The following PARP11 variants were observed in gnomAD, a reference collection of about 807,000 sequenced individuals.
The protein encoded by PARP11 is poly(ADP-ribose) polymerase family member 11.
PARP11 carries 31 observed loss-of-function variants against 42.9 expected under a neutral mutation model. The observed-to-expected ratio is 0.72, with a 90% CI of 0.54 to 0.98. The LOEUF (loss-of-function observed/expected upper bound fraction) is 0.98. Ranked by LOEUF, PARP11 falls within the 50% of genes least tolerant of loss-of-function variation. The pLI, the probability that PARP11 is intolerant of heterozygous loss-of-function variation, is 0.00. For synonymous variants in PARP11, 137 were observed against 127.3 expected, an observed-to-expected ratio of 1.08 and a Z score of -0.51; for missense variants, 365 against 413.1, an observed-to-expected ratio of 0.88 and a Z score of 1.01.
chr12:3,859,845 T>C (rs1472820981), intron 1 of PARP11, among the ~76,000 whole-genome samples: 1 of 152,170 alleles, frequency 6.6e-6, no homozygotes, highest in African/African-American at 2.4e-5. Flanking sequence ...AAAGTGTTAC[T>C]ATAAAAAGTA....
chr12:3,828,359 C>T (rs1947570006), intron 3 of PARP11, among the ~76,000 whole-genome samples: 1 of 151,808 alleles, frequency 6.6e-6, no homozygotes, highest in Non-Finnish European at 1.5e-5. Context: ...CCAGCCTTGT[C>T]AACATGATGA....
chr12:3,823,809 G>A (rs561772613), intron 4 of PARP11, among the ~76,000 whole-genome samples: 67 of 151,838 alleles, frequency 4.4e-4, no homozygotes, highest in African/African-American at 1.5e-3. Flanking sequence ...TCAGCTACTC[G>A]GGAGGCTGAG....
At chr12:3,842,471 G>A in intron 1 of PARP11, 4 of 1,607,294 alleles carry the variant, frequency 2.5e-6, no homozygotes, top group Non-Finnish European at 3.4e-6. Context: ...AGGGGAGATA[G>A]GAGGAGATCA....
intron 1 of PARP11, among the ~76,000 whole-genome samples, chr12:3,833,116 A>G (rs78406234): frequency 0.018 from 2,796 of 152,358 alleles, 125 homozygotes; most frequent in East Asian, 0.14. Context: ...ATTTTAGTTT[A>G]CTACAACAAA....
intron 1 of PARP11, chr12:3,842,242 G>A: frequency 1.2e-6 from 2 of 1,605,236 alleles, no homozygotes; most frequent in African/African-American, 1.3e-5. Context: ...AAAGAAGAGA[G>A]TTCAGAAAAT....
chr12:3,820,725 G>A (rs1460614532), intron 6 of PARP11, among the ~76,000 whole-genome samples: 1 of 152,148 alleles, frequency 6.6e-6, no homozygotes, highest in Non-Finnish European at 1.5e-5. Context: ...AGAGGCTTCT[G>A]TCTTCCTCTA....
intron 1 of PARP11, among the ~76,000 whole-genome samples, chr12:3,853,886 T>C (rs1948144752): frequency 1.3e-5 from 2 of 152,228 alleles, no homozygotes; most frequent in Non-Finnish European, 2.9e-5. Flanking sequence ...TAGTTGGAAA[T>C]AAAGCATTCC....
chr12:3,850,295 T>C (rs187176246), intron 1 of PARP11, among the ~76,000 whole-genome samples: 2 of 152,286 alleles, frequency 1.3e-5, no homozygotes, highest in African/African-American at 4.8e-5. Flanking sequence ...ATATATAGCA[T>C]AATTATATCA....
chr12:3,862,699 A>C (rs528134684), intron 1 of PARP11, among the ~76,000 whole-genome samples: 1 of 151,938 alleles, frequency 6.6e-6, no homozygotes, highest in Non-Finnish European at 1.5e-5. Context: ...AGTTAAAACA[A>C]CTGTCCTTTT....
chr12:3,854,503 A>G (rs372516551), intron 1 of PARP11, among the ~76,000 whole-genome samples: 42 of 152,356 alleles, frequency 2.8e-4, no homozygotes, highest in Non-Finnish European at 5.0e-4. Context: ...GAATACTATG[A>G]ACACCTCTAC....
intron 1 of PARP11, among the ~76,000 whole-genome samples, chr12:3,856,363 C>A (rs1167814212): frequency 6.6e-6 from 1 of 152,208 alleles, no homozygotes; most frequent in Non-Finnish European, 1.5e-5. Context: ...TTTTTGCAAT[C>A]TACCCATCTG....
intron 1 of PARP11, chr12:3,841,047 A>G: frequency 6.3e-7 from 1 of 1,587,884 alleles, no homozygotes; most frequent in Non-Finnish European, 8.6e-7. Context: ...TGACCCCTGG[A>G]CCTGATTCTG....
rs1947149733 is a variant in PARP11, at chr12:3,810,614, AAAAGGGAGGAGGGAGGGAGGGAGGGAGG to A, written c.*1481_*1508del. The A allele has an allele frequency of 7.0e-6, 1 of 142,110 alleles. No homozygotes were observed. Among genetic ancestry groups the A allele is most frequent in the Non-Finnish European group, 1.5e-5 (1 of 65,380 alleles). 8.8% of individuals were successfully genotyped at this position (142,110 alleles called of 1,614,324 possible). On this transcript the variant is annotated 3_prime_UTR_variant, in exon 8 of 8. Coordinates refer to ENST00000228820, the MANE Select transcript of PARP11 (RefSeq NM_020367.6). ...AACCAAAAAAAAAGAAAGAAAAAGA[AAAAGGGAGGAGGGAGGGAGGGAGGGAGG>A]GAAAGAAGGAAGGAAGGAAGGAAGG...
At chr12:3,822,763 A>T (rs1208400320) in intron 4 of PARP11, among the ~76,000 whole-genome samples, 2 of 152,282 alleles carry the variant, frequency 1.3e-5, no homozygotes, top group South Asian at 2.1e-4. Flanking sequence ...ATTTCTTTAA[A>T]ATGTAAAGAA....
At chr12:3,869,091 C>T (rs1291163804) in intron 1 of PARP11, among the ~76,000 whole-genome samples, 2 of 152,204 alleles carry the variant, frequency 1.3e-5, no homozygotes, top group Admixed American at 6.5e-5. Context: ...GACCATTCTT[C>T]CATAGTCACT....
At chr12:3,813,663 T>C (rs1216671953) in intron 7 of PARP11, among the ~76,000 whole-genome samples, 3 of 152,242 alleles carry the variant, frequency 2.0e-5, no homozygotes, top group Non-Finnish European at 4.4e-5. Flanking sequence ...GTTCTCTTGC[T>C]GGAAGCAAGG....
At chr12:3,844,606 A>G (rs1256359415) in intron 1 of PARP11, among the ~76,000 whole-genome samples, 1 of 152,214 alleles carries the variant, frequency 6.6e-6, no homozygotes, top group Non-Finnish European at 1.5e-5. Flanking sequence ...AGGAAATACT[A>G]TTCATATCTT....
chr12:3,840,807 A>G lies in PARP11; in HGVS notation c.19-10789T>C. The stretch of plus-strand genomic sequence containing the variant: ...CTGATGATAAATATGCAACAGTTTC[A>G]TCACCATCAAAGTCAAAGAAGTTAG... On this transcript the variant is annotated intron_variant, in intron 1 of 7. Transcript: ENST00000228820. The surrounding 1 kb of genome is among the most constrained non-coding windows in gnomAD (Gnocchi z 4.4). The G allele has an allele frequency of 6.3e-7, 1 of 1,590,620 alleles. No homozygotes were observed. Among genetic ancestry groups the G allele is most frequent in the South Asian group, 1.1e-5 (1 of 90,590 alleles).
chr12:3,835,229 A>G (rs1565539442), intron 1 of PARP11, among the ~76,000 whole-genome samples: 1 of 152,228 alleles, frequency 6.6e-6, no homozygotes, highest in African/African-American at 2.4e-5. Flanking sequence ...TGTAAGCACA[A>G]CCTGTGACCA....
Sources: allele counts gnomAD v4.1 joint callset (sites outside exome capture counted in the v4.1 genomes callset), GRCh38; gene constraint gnomAD v4.1.1; non-coding constraint Gnocchi (gnomAD v3.1); transcripts MANE v1.5; gene names NCBI Gene and HGNC (gene_info 2026-07-23, HGNC 2026-07-21).